Variants in NLN observed in about 807,000 individuals in gnomAD.
NLN encodes the protein neurolysin.
NLN carries 64 observed loss-of-function variants against 79.9 expected under a neutral mutation model. That is an observed-to-expected ratio of 0.80 (90% confidence interval 0.65 to 0.99). The LOEUF (loss-of-function observed/expected upper bound fraction) is 0.99. NLN is among the 50% of genes least tolerant of loss of function. The probability of loss-of-function intolerance (pLI) is 0.00; values close to 1 mark genes in which losing one functional copy is unlikely to be tolerated. For synonymous variants in NLN, 267 were observed against 296.6 expected (o/e 0.90, Z 1.02); for missense variants, 835 against 858.7 (o/e 0.97, Z 0.34).
At chr5:65,735,239 CA>C (rs1407111348) in intron 1 of NLN, among the ~76,000 whole-genome samples, 1 of 152,228 alleles carries the variant, frequency 6.6e-6, no homozygotes, top group African/African-American at 2.4e-5. Context: ...TCGCCCCAGC[CA>C]TGCTGAACTG....
rs565336070 is a variant in NLN, at chr5:65,816,692, A to G, written c.1980+4301A>G. 4.6e-5 allele frequency among the ~76,000 whole-genome samples: 7 copies of G among 152,306 alleles called. No individual in the cohort carries two copies. In the East Asian group the frequency reaches 1.2e-3, roughly 25 times the overall value. On this transcript the variant is annotated intron_variant, in intron 12 of 12. Coordinates refer to ENST00000380985, the MANE Select transcript of NLN (RefSeq NM_020726.5). ...CTCGGTGCATTTGCTTTAGTTTCAC[A>G]TGTCAGTGAGTGGTGGCTTCAGATA...
At chr5:65,741,135 G>A (rs185341547) in intron 1 of NLN, 4 of 152,360 alleles carry the variant, frequency 2.6e-5, no homozygotes, top group Admixed American at 2.0e-4. Flanking sequence ...GCCTTCCAAA[G>A]TGCTGGGATT....
intron 1 of NLN, among the ~76,000 whole-genome samples, chr5:65,738,977 AT>A (rs1758804775): frequency 1.3e-4 from 3 of 22,780 alleles, no homozygotes; most frequent in African/African-American, 4.4e-4. Context: ...ATAAATATAT[AT>A]ATTATATATT....
rs1379456307 is a variant in NLN, at chr5:65,757,034, A to G, written c.42-1533A>G. On this transcript the variant is annotated intron_variant, in intron 1 of 12. Transcript: ENST00000380985. ...AGTTCTCTTTGCTTACACTTGTCAT[A>G]ACACTCATCTCAGTGTAGTATAATT... 3.3e-5 allele frequency among the ~76,000 whole-genome samples: 5 copies of G among 152,134 alleles called. No homozygotes were observed. The South Asian group carries it at 1.0e-3, about 31-fold the overall frequency.
intron 3 of NLN, among the ~76,000 whole-genome samples, chr5:65,774,646 A>G (rs1402944571): frequency 2.0e-5 from 3 of 151,666 alleles, no homozygotes; most frequent in African/African-American, 4.8e-5. Context: ...TAATAGTCAG[A>G]TTTCTGTTGT....
At chr5:65,816,258 C>G (rs1215117992) in intron 12 of NLN, among the ~76,000 whole-genome samples, 1 of 152,044 alleles carries the variant, frequency 6.6e-6, no homozygotes, top group African/African-American at 2.4e-5. Context: ...AGGCCATTAC[C>G]TTTAGCAAAC....
chr5:65,738,956 T>C (rs1468801132), intron 1 of NLN, among the ~76,000 whole-genome samples: 1 of 88,190 alleles, frequency 1.1e-5, no homozygotes, highest in Non-Finnish European at 2.1e-5. Flanking sequence ...TATGTTTATA[T>C]ATATGTATAT....
chr5:65,772,653 A>AGTTTAAT (rs1759592416), intron 3 of NLN, among the ~76,000 whole-genome samples: 1 of 151,726 alleles, frequency 6.6e-6, no homozygotes, highest in Non-Finnish European at 1.5e-5. Context: ...TCTCTATTTT[A>AGTTTAAT]GTTTAATTTT....
chr5:65,729,087 G>A (rs1758544114), intron 1 of NLN, among the ~76,000 whole-genome samples: 1 of 152,134 alleles, frequency 6.6e-6, no homozygotes, highest in Non-Finnish European at 1.5e-5. Flanking sequence ...CGAGTGATCT[G>A]CCCGCCTCAA....
At chr5:65,733,550 A>G in intron 1 of NLN, 1 of 1,485,586 alleles carries the variant, frequency 6.7e-7, no homozygotes. Flanking sequence ...TGATGTGTAC[A>G]GTCAGGGAAG....
At chr5:65,779,009 G>T (rs78003204) in intron 4 of NLN, among the ~76,000 whole-genome samples, 2,084 of 152,260 alleles carry the variant, frequency 0.014, 28 homozygotes, top group Non-Finnish European at 0.021. Flanking sequence ...ACCTAGAGTT[G>T]CAGATAGGAT....
rs185126659 is a variant in NLN at position 65,760,270 on chromosome 5, C to A, written c.301+1444C>A. Among the ~76,000 whole-genome samples, 12 of 152,330 alleles carry A rather than the reference C, an allele frequency of 7.9e-5. No individual in the cohort carries two copies. The East Asian group carries it at 2.3e-3, about 29-fold the overall frequency. ...TCAGCATTTGTTTCAGTTTCTGCTC[C>A]TACTACCAACTGCTTCACTTTCATT... On this transcript the variant is annotated intron_variant, in intron 2 of 12. Coordinates refer to ENST00000380985, the MANE Select transcript of NLN (RefSeq NM_020726.5).
At chr5:65,766,868 C>T (rs533388325) in intron 3 of NLN, among the ~76,000 whole-genome samples, 148 of 152,354 alleles carry the variant, frequency 9.7e-4, no homozygotes, top group Non-Finnish European at 1.6e-3. Flanking sequence ...AAGTCCAAAA[C>T]CTGGCCAGGC....
rs544124578 is a variant in NLN at position 65,788,775 on chromosome 5, C to T, written c.1325+291C>T. Among the ~76,000 whole-genome samples the T allele has an allele frequency of 2.6e-5, 4 of 152,038 alleles. No homozygotes were observed. The East Asian group carries it at 7.7e-4, about 29-fold the overall frequency. On this transcript the variant is annotated intron_variant, in intron 8 of 12. Coordinates refer to ENST00000380985, the MANE Select transcript of NLN (RefSeq NM_020726.5). Reference sequence around the variant, plus strand: ...TTGCTTGAGTCTAGGACTTCAAGACCAGACTGGGCAACATGGCAAAACTCT... The same window carrying T: ...TTGCTTGAGTCTAGGACTTCAAGACTAGACTGGGCAACATGGCAAAACTCT...
At chr5:65,794,552 C>G (rs1274377263) in intron 9 of NLN, among the ~76,000 whole-genome samples, 1 of 151,814 alleles carries the variant, frequency 6.6e-6, no homozygotes, top group Non-Finnish European at 1.5e-5. Context: ...CTGCGGTGAG[C>G]TGTGATCGCG....
chr5:65,777,079 G>A (rs34978), intron 3 of NLN, among the ~76,000 whole-genome samples: 87,397 of 152,058 alleles, frequency 0.57, 25,438 homozygotes, highest in South Asian at 0.62. Context: ...ATGATTTGTG[G>A]TAAGAAATAT....
intron 1 of NLN, among the ~76,000 whole-genome samples, chr5:65,754,876 A>T (rs565915908): frequency 6.6e-4 from 100 of 152,174 alleles, no homozygotes; most frequent in Non-Finnish European, 2.9e-4. Flanking sequence ...CCTTCTTCAG[A>T]TACTCGGGTT....
intron 9 of NLN, among the ~76,000 whole-genome samples, chr5:65,797,136 G>A (rs958090801): frequency 2.6e-5 from 4 of 152,186 alleles, no homozygotes; most frequent in African/African-American, 9.6e-5. Context: ...CCTGTTGCAT[G>A]GCTTTATTGT....
intron 12 of NLN, 142 bp from the exon 13 acceptor site, chr5:65,822,639 G>A (rs1175266953): frequency 1.5e-6 from 1 of 656,632 alleles, no homozygotes; most frequent in Non-Finnish European, 2.7e-6. Flanking sequence ...CTACAGAGCT[G>A]TTTGTGAGCA....
Sources: gnomAD v4.1 joint callset for allele counts (sites outside exome capture counted in the v4.1 genomes callset) on GRCh38, gnomAD v4.1.1 for gene constraint, MANE v1.5 for transcripts, NCBI Gene and HGNC (gene_info 2026-07-23, HGNC 2026-07-21) for gene names.